Variants in ANKS1B observed in about 807,000 individuals in gnomAD.
The protein encoded by ANKS1B is ankyrin repeat and sterile alpha motif domain containing 1B.
A neutral mutation model predicts 148.3 loss-of-function variants in ANKS1B; 36 were observed. That is an observed-to-expected ratio of 0.24 (90% CI 0.19 to 0.32). ANKS1B has a LOEUF of 0.32. ANKS1B is among the 10% of genes least tolerant of loss of function. ANKS1B has a pLI of 1.00. For synonymous variants in ANKS1B, 542 were observed against 560.8 expected, an observed-to-expected ratio of 0.97 and a Z score of 0.47; for missense variants, 1,157 against 1,542.6, an observed-to-expected ratio of 0.75 and a Z score of 4.19.
chr12:99,048,169 C>A (rs1268369678), intron 17 of ANKS1B, among the ~76,000 whole-genome samples: 1 of 152,146 alleles, frequency 6.6e-6, no homozygotes, highest in Non-Finnish European at 1.5e-5. Context: ...GAGGTGGCTT[C>A]TTCAGAGGAA....
At chr12:99,928,279 T>TA (rs1566017532) in intron 1 of ANKS1B, among the ~76,000 whole-genome samples, 238 of 147,560 alleles carry the variant, frequency 1.6e-3, no homozygotes, top group Middle Eastern at 0.011. Flanking sequence ...TTATTTTTTT[T>TA]TTTTTTTTTT....
At chr12:99,469,255 A>G (rs1478162890) in intron 10 of ANKS1B, among the ~76,000 whole-genome samples, 1 of 133,368 alleles carries the variant, frequency 7.5e-6, no homozygotes, top group African/African-American at 2.8e-5. Context: ...ACACATGGAC[A>G]CAGGAAGGGG....
At chr12:99,299,978 A>G (rs2081389812) in intron 12 of ANKS1B, among the ~76,000 whole-genome samples, 1 of 152,132 alleles carries the variant, frequency 6.6e-6, no homozygotes, top group Non-Finnish European at 1.5e-5. Context: ...GTTTGCCTTC[A>G]TGGTCAATAC....
At chr12:99,669,547 A>G (rs1325194851) in intron 8 of ANKS1B, among the ~76,000 whole-genome samples, 2 of 152,082 alleles carry the variant, frequency 1.3e-5, no homozygotes, top group African/African-American at 4.8e-5. Flanking sequence ...TGTATTAAGC[A>G]TGATCCCTCT....
chr12:99,138,028 A>C (rs2068745562), intron 15 of ANKS1B, among the ~76,000 whole-genome samples: 1 of 152,158 alleles, frequency 6.6e-6, no homozygotes, highest in African/African-American at 2.4e-5. Flanking sequence ...ATGTAAGCAA[A>C]TGTGTTTATT....
chr12:99,794,254 C>T (rs953879863), intron 4 of ANKS1B, among the ~76,000 whole-genome samples: 3 of 151,908 alleles, frequency 2.0e-5, no homozygotes, highest in Non-Finnish European at 2.9e-5. Flanking sequence ...CTATGAAGAA[C>T]AGTTTGGAGG....
Position 99,768,656 on chromosome 12 carries a change from T to C in ANKS1B, c.1128+4266A>G, listed in dbSNP as rs952088874. On this transcript the variant is annotated intron_variant, in intron 8 of 26. Transcript: ENST00000683438. ...TCGTGGCCAACATGGTGAAACCCCG[T>C]GTCTACTAAAATACAAAAAATTAGC... Among the ~76,000 whole-genome samples the C allele has an allele frequency of 3.9e-5, 6 of 151,918 alleles. No individual in the cohort carries two copies. The South Asian group carries it at 1.3e-3, about 32-fold the overall frequency.
chr12:99,932,309 TG>T (rs1358164206), intron 1 of ANKS1B, among the ~76,000 whole-genome samples: 3 of 152,184 alleles, frequency 2.0e-5, no homozygotes, highest in African/African-American at 7.2e-5. Context: ...CTGGATCATA[TG>T]GTATTTCTCT....
chr12:99,928,385 T>C (rs2094528510), intron 1 of ANKS1B, among the ~76,000 whole-genome samples: 1 of 150,476 alleles, frequency 6.6e-6, no homozygotes. Context: ...TTCACGCCAT[T>C]CTCCTGCCTC....
At chr12:99,827,030 G>A (rs1303485037) in intron 1 of ANKS1B, among the ~76,000 whole-genome samples, 2 of 151,850 alleles carry the variant, frequency 1.3e-5, no homozygotes, top group African/African-American at 4.8e-5. Context: ...GAGGTAGAAG[G>A]GTTGCTTCAG....
chr12:99,055,725 G>GT (rs1555196709), intron 16 of ANKS1B, among the ~76,000 whole-genome samples: 4 of 150,506 alleles, frequency 2.7e-5, no homozygotes, highest in African/African-American at 4.9e-5. Flanking sequence ...TAAACTTGGG[G>GT]GGGGGGGAGG....
At position 99,903,771 on chromosome 12, in the gene ANKS1B, T is replaced by C. The variant is rs185861561; in HGVS notation, c.135-78382A>G. 2.0e-5 allele frequency among the ~76,000 whole-genome samples: 3 copies of C among 152,130 alleles called. No homozygotes were observed. The East Asian group carries it at 5.8e-4, about 29-fold the overall frequency. ...GGAGGGGGGGAGAGGGATAAAAGACTATGAATGTGGTGCAGTGTATACTGC... is the reference window on the plus strand; with the variant it reads ...GGAGGGGGGGAGAGGGATAAAAGACCATGAATGTGGTGCAGTGTATACTGC... On this transcript the variant is annotated intron_variant, in intron 1 of 26. Coordinates refer to ENST00000683438, the MANE Select transcript of ANKS1B (RefSeq NM_001352186.2).
At chr12:99,833,382 A>G (rs1330727833) in intron 1 of ANKS1B, among the ~76,000 whole-genome samples, 1 of 152,192 alleles carries the variant, frequency 6.6e-6, no homozygotes, top group Non-Finnish European at 1.5e-5. Flanking sequence ...TGTTTTACAG[A>G]CCAGGGGAGA....
intron 1 of ANKS1B, among the ~76,000 whole-genome samples, chr12:99,869,820 A>G (rs536520700): frequency 2.0e-5 from 3 of 152,162 alleles, no homozygotes; most frequent in Non-Finnish European, 4.4e-5. Flanking sequence ...AGAACTCCTA[A>G]TAGATCTATG....
intron 8 of ANKS1B, among the ~76,000 whole-genome samples, chr12:99,760,943 G>C (rs1472860529): frequency 6.7e-6 from 1 of 149,712 alleles, no homozygotes; most frequent in Non-Finnish European, 1.5e-5. Flanking sequence ...AGAAAATCTA[G>C]AGGAAGTAGA....
At position 99,642,631 on chromosome 12, in the gene ANKS1B, C is replaced by T. The variant is rs148747895; in HGVS notation, c.1272+12436G>A. Among the ~76,000 whole-genome samples, 903 of 152,154 alleles carry T rather than the reference C, an allele frequency of 5.9e-3. 16 individuals carry two copies. The highest frequency in any genetic ancestry group is 0.021 in the African/African-American group (859 of 41,502). On this transcript the variant is annotated intron_variant, in intron 9 of 26. Transcript: ENST00000683438. ...AGGAGTTCAAGACAAGACAGGCCAA[C>T]ATGGTGAAACCCCATCTCTACTAAA...
intron 12 of ANKS1B, among the ~76,000 whole-genome samples, chr12:99,347,876 T>C (rs2090933058): frequency 1.3e-5 from 2 of 152,036 alleles, no homozygotes; most frequent in South Asian, 4.1e-4. Flanking sequence ...TGAGGAATCC[T>C]AGACACTAGA....
chr12:99,088,436 G>T (rs1410359574), intron 15 of ANKS1B, among the ~76,000 whole-genome samples: 1 of 151,964 alleles, frequency 6.6e-6, no homozygotes, highest in East Asian at 1.9e-4. Context: ...TTTGATTTTT[G>T]GTTGGTATCA....
At chr12:99,011,609 A>G (rs1009422266) in intron 17 of ANKS1B, among the ~76,000 whole-genome samples, 3 of 152,204 alleles carry the variant, frequency 2.0e-5, no homozygotes, top group Non-Finnish European at 4.4e-5. Flanking sequence ...ACATGCTAGA[A>G]ATTACAACGT....
Sources: allele counts gnomAD v4.1 joint callset (sites outside exome capture counted in the v4.1 genomes callset), GRCh38; gene constraint gnomAD v4.1.1; transcripts MANE v1.5; gene names NCBI Gene and HGNC (gene_info 2026-07-23, HGNC 2026-07-21).